The following NECAB3 variants were observed in gnomAD, a reference collection of about 807,000 sequenced individuals.
NECAB3 encodes the protein N-terminal EF-hand calcium binding protein 3, also known as N-terminal EF-hand calcium-binding protein 3.
In NECAB3, 38 loss-of-function variants were observed where a neutral mutation model predicts 57.2. That is an observed-to-expected ratio of 0.66 (90% CI 0.51 to 0.87). NECAB3 has a LOEUF of 0.87. NECAB3 is among the 40% of genes least tolerant of loss of function. NECAB3 has a pLI of 0.00. For synonymous variants in NECAB3, 223 were observed against 222.6 expected (o/e 1.00, Z -0.02); for missense variants, 474 against 527.5 (o/e 0.90, Z 0.99).
chr20:33,661,793 G>C (rs985447309), intron 5 of NECAB3, among the ~76,000 whole-genome samples: 3 of 152,184 alleles, frequency 2.0e-5, no homozygotes, highest in African/African-American at 7.2e-5. Flanking sequence ...TAGGTTTACA[G>C]GCCTGTGCCA....
At chr20:33,662,576 GAAGTCCT>G in intron 5 of NECAB3, 1 of 1,300,810 alleles carries the variant, frequency 7.7e-7, no homozygotes, top group African/African-American at 1.5e-5. Context: ...CTTGTATGCA[GAAGTCCT>G]AGGGGGTGAG....
intron 1 of NECAB3, among the ~76,000 whole-genome samples, chr20:33,672,952 A>G (rs1441682785): frequency 6.6e-6 from 1 of 152,100 alleles, no homozygotes; most frequent in African/African-American, 2.4e-5. Flanking sequence ...CGCCTGAGTT[A>G]CCCACTAGCA....
chr20:33,670,389 G>T, intron 3 of NECAB3: 1 of 356,590 alleles, frequency 2.8e-6, no homozygotes, highest in South Asian at 5.4e-5. Context: ...GGAAGCAGGC[G>T]GGGCCCAGCT....
At chr20:33,670,060 T>G (rs576691521) in intron 3 of NECAB3, among the ~76,000 whole-genome samples, 1 of 151,366 alleles carries the variant, frequency 6.6e-6, no homozygotes, top group East Asian at 2.0e-4. Flanking sequence ...CGGCATGGGG[T>G]ATTTAGTTGT....
intron 5 of NECAB3, chr20:33,667,292 T>C: frequency 1.8e-6 from 1 of 569,410 alleles, no homozygotes; most frequent in Non-Finnish European, 2.7e-6. Context: ...GCGGGCGGCG[T>C]GGCGCGGGCG....
In NECAB3 at chr20:33,669,400, A is replaced by G; in HGVS notation, c.362T>C (p.Leu121Pro). The G allele has an allele frequency of 6.2e-7, 1 of 1,613,584 alleles. No individual in the cohort carries two copies. Among genetic ancestry groups the G allele is most frequent in the Non-Finnish European group, 8.5e-7 (1 of 1,180,016 alleles). ...CAGCTTGGTGGCATCCATGGCAGCG[A>G]GCACTGCACGGTTCAGCGATTCCAA... is the stretch of plus-strand genomic sequence containing the variant. ...AALESLNRAVLAAMDATKLEY... is the reference protein window; with the variant it reads ...AALESLNRAVPAAMDATKLEY... The change falls in exon 5 of 12, where the codon CTC becomes CCC. Residue 121 changes from leucine (L) to proline (P), a missense_variant. Coordinates refer to ENST00000246190, the MANE Select transcript of NECAB3 (RefSeq NM_031232.4).
At chr20:33,674,544 C>T (rs975347293), upstream of NECAB3, 1 of 430,622 alleles carries the variant, frequency 2.3e-6, no homozygotes, top group Non-Finnish European at 3.1e-6. Flanking sequence ...GGCCTCCGCG[C>T]TTCCGCGGCC....
At chr20:33,668,060 GGCGGCACGGCTACGCGGCCCT>G (rs2017733864) in intron 5 of NECAB3, 2 of 1,568,154 alleles carry the variant, frequency 1.3e-6, no homozygotes, top group African/African-American at 2.7e-5. Context: ...GCGCAGTGCC[GGCGGCACGGCTACGCGGCCCT>G]GCGGCCCCAC....
At position 33,658,724 on chromosome 20, in the gene NECAB3, C is replaced by T. The variant is rs779228235; in HGVS notation, c.990G>A (p.Leu330=). ...CCACCTGCCAGCTGGGGACTCACTG[C>T]AGACAATGGCTCTGGGCCCCTGTGA... ...VDFTGAQSHC[L]HVSAQKMLDG... Residue 330 remains leucine, a splice_region_variant and synonymous_variant, in exon 9 of 12, where the codon CTG becomes CTA. Transcript: ENST00000246190. 3.1e-6 allele frequency: 5 copies of T among 1,613,638 alleles called. No individual in the cohort carries two copies. Among genetic ancestry groups the T allele is most frequent in the Non-Finnish European group, 4.2e-6 (5 of 1,179,836 alleles).
At chr20:33,674,082 C>A in intron 1 of NECAB3, 142 bp downstream of exon 1, 1 of 898,688 alleles carries the variant, frequency 1.1e-6, no homozygotes, top group Non-Finnish European at 1.4e-6. Flanking sequence ...CACACAAGGG[C>A]AGAAAGGTCA....
intron 9 of NECAB3, 54 bp downstream of exon 9, chr20:33,658,668 C>G (rs1315512422): frequency 1.9e-6 from 3 of 1,599,564 alleles, no homozygotes; most frequent in Non-Finnish European, 2.6e-6. Context: ...CCCAGCACCC[C>G]TCTCTGCTCA....
chr20:33,671,523 G>C (rs1317114295), intron 2 of NECAB3, among the ~76,000 whole-genome samples: 1 of 152,004 alleles, frequency 6.6e-6, no homozygotes, highest in Non-Finnish European at 1.5e-5. Flanking sequence ...CAAGGAGAAG[G>C]GGCAAAGAGT....
Position 33,658,515 on chromosome 20 carries a change from G to C in NECAB3, c.1032C>G (p.Thr344=), listed in dbSNP as rs746667027. The C allele has an allele frequency of 1.2e-6, 2 of 1,614,060 alleles. No homozygotes were observed. Among genetic ancestry groups the C allele is most frequent in the South Asian group, 1.1e-5 (1 of 91,070 alleles). The stretch of plus-strand genomic sequence containing the variant: ...CCTCATCCTGCCAGAACTCATACAG[G>C]GTGAAGGAGGCACCGTCCAGCATCT... ...AQKMLDGASF[T]LYEFWQDEAS... The change falls in exon 10 of 12, where the codon ACC becomes ACG. Residue 344 remains threonine (T), a synonymous_variant. Transcript: ENST00000246190.
intron 2 of NECAB3, 89 bp downstream of exon 2, chr20:33,672,309 A>G: frequency 6.6e-7 from 1 of 1,515,764 alleles, no homozygotes; most frequent in Non-Finnish European, 9.2e-7. Context: ...TCAACTCTTG[A>G]CTTCCCACCC....
chr20:33,667,423 C>T (rs1457393223), intron 5 of NECAB3: 5 of 1,411,012 alleles, frequency 3.5e-6, no homozygotes, highest in Non-Finnish European at 4.6e-6. Flanking sequence ...GAGCGACTCG[C>T]CGTTGGCGCC....
intron 5 of NECAB3, among the ~76,000 whole-genome samples, chr20:33,661,080 T>A (rs971742415): frequency 6.6e-6 from 1 of 152,180 alleles, no homozygotes; most frequent in Non-Finnish European, 1.5e-5. Context: ...AGCTTCCATT[T>A]CCTCATCTAT....
In NECAB3 at chr20:33,659,921, G is replaced by A. The variant is rs374372890; in HGVS notation, c.607C>T (p.Arg203Trp). 1.3e-4 allele frequency: 198 copies of A among 1,549,014 alleles called. 1 individual carries two copies. The East Asian group carries it at 4.2e-3, about 33-fold the overall frequency. Residue 203 changes from arginine (R) to tryptophan (W), a missense_variant, in exon 7 of 12, where the codon CGG (arginine) becomes TGG (tryptophan). Transcript: ENST00000246190. Reference protein sequence around the residue: ...AGRRALRSVSRSSTWSPGSSD... With the variant: ...AGRRALRSVSWSSTWSPGSSD... ...GAGCCGGGGGACCAGGTGGATGACCGGCTGACACTCCTCAGGGCTCGGCGT... is the reference window on the plus strand; with the variant it reads ...GAGCCGGGGGACCAGGTGGATGACCAGCTGACACTCCTCAGGGCTCGGCGT...
At chr20:33,664,226 G>C (rs2017585840) in intron 5 of NECAB3, 1 of 253,054 alleles carries the variant, frequency 4.0e-6, no homozygotes, top group Non-Finnish European at 7.4e-6. Context: ...AGAGGGACCT[G>C]CTTCCGGTAA....
At chr20:33,669,581 A>C in intron 4 of NECAB3, 106 bp downstream of exon 4, 1 of 1,540,934 alleles carries the variant, frequency 6.5e-7, no homozygotes. Context: ...TTATATCCTG[A>C]GCCCAGCCCA....
Sources: gnomAD v4.1 joint callset for allele counts (sites outside exome capture counted in the v4.1 genomes callset) on GRCh38, gnomAD v4.1.1 for gene constraint, MANE v1.5 for transcripts, NCBI Gene and HGNC (gene_info 2026-07-23, HGNC 2026-07-21) for gene names.